The following TUBGCP3 variants were observed in gnomAD, a reference collection of about 807,000 sequenced individuals.
The protein encoded by TUBGCP3 is tubulin gamma complex component 3.
A neutral mutation model predicts 123.1 loss-of-function variants in TUBGCP3; 50 were observed. That is an observed-to-expected ratio of 0.41 (90% confidence interval 0.32 to 0.51). The LOEUF is 0.51. Among genes scored for constraint, TUBGCP3 ranks in the 20% least tolerant of loss-of-function variants. TUBGCP3 has a pLI of 0.36. For missense variants in TUBGCP3, 882 were observed against 1,127.0 expected, an observed-to-expected ratio of 0.78 and a Z score of 3.11; for synonymous variants, 405 against 413.9, an observed-to-expected ratio of 0.98 and a Z score of 0.26.
intron 11 of TUBGCP3, among the ~76,000 whole-genome samples, chr13:112,534,747 TTG>T (rs1392674897): frequency 1.3e-5 from 2 of 152,322 alleles, no homozygotes; most frequent in East Asian, 3.9e-4. Flanking sequence ...CACCAAGCGT[TTG>T]TGTTTTCGGA....
intron 1 of TUBGCP3, among the ~76,000 whole-genome samples, chr13:112,571,544 G>T (rs573496951): frequency 6.6e-6 from 1 of 152,190 alleles, no homozygotes; most frequent in African/African-American, 2.4e-5. Flanking sequence ...TTTTGGAATG[G>T]TCAACGAGCA....
intron 20 of TUBGCP3, 89 bp from the exon 21 acceptor site, chr13:112,489,786 G>C: frequency 9.4e-7 from 1 of 1,061,084 alleles, no homozygotes; most frequent in South Asian, 1.3e-5. Context: ...TGAGGAGCAG[G>C]AGGTGTCTGC....
intron 13 of TUBGCP3, among the ~76,000 whole-genome samples, chr13:112,526,269 C>CCACCATCAT (rs1373753897): frequency 6.6e-6 from 1 of 150,436 alleles, no homozygotes; most frequent in Non-Finnish European, 1.5e-5. Context: ...ACCATCATCA[C>CCACCATCAT]CACCATCATC....
intron 1 of TUBGCP3, among the ~76,000 whole-genome samples, chr13:112,575,269 T>C (rs1415550291): frequency 6.6e-6 from 1 of 152,210 alleles, no homozygotes; most frequent in East Asian, 1.9e-4. Context: ...AGAAGAAAGA[T>C]ATTCCATGAA....
At chr13:112,569,072 TAC>T (rs1370429939) in intron 2 of TUBGCP3, 78 bp downstream of exon 2, 43 of 1,327,830 alleles carry the variant, frequency 3.2e-5, no homozygotes, top group Non-Finnish European at 4.6e-5. Flanking sequence ...CATACACACC[TAC>T]ACACATGCAT....
intron 13 of TUBGCP3, among the ~76,000 whole-genome samples, chr13:112,526,135 TCACCATCATCATTAC>T (rs140476702): frequency 0.096 from 14,520 of 151,782 alleles, 1,864 homozygotes; most frequent in African/African-American, 0.28. Flanking sequence ...TATCATCACA[TCACCATCATCATTAC>T]CACCATCATC....
At chr13:112,493,923 A>G (rs1337367643) in intron 20 of TUBGCP3, among the ~76,000 whole-genome samples, 2 of 145,652 alleles carry the variant, frequency 1.4e-5, no homozygotes, top group Non-Finnish European at 3.0e-5. Flanking sequence ...CGTTCTGGCT[A>G]TGGGAACATG....
chr13:112,538,578 C>A (rs761657910), intron 11 of TUBGCP3, among the ~76,000 whole-genome samples: 7 of 152,194 alleles, frequency 4.6e-5, no homozygotes, highest in Non-Finnish European at 8.8e-5. Context: ...TAGTGCCCCA[C>A]TAGTGAGTTC....
At chr13:112,575,163 A>T (rs1017994864) in intron 1 of TUBGCP3, among the ~76,000 whole-genome samples, 1 of 152,210 alleles carries the variant, frequency 6.6e-6, no homozygotes, top group Non-Finnish European at 1.5e-5. Flanking sequence ...AGCAGCACAG[A>T]AGAGGAAGCT....
intron 5 of TUBGCP3, 63 bp from the exon 6 acceptor site, chr13:112,556,287 T>C (rs1211624384): frequency 1.3e-6 from 2 of 1,505,886 alleles, no homozygotes; most frequent in Admixed American, 3.8e-5. Context: ...AAAGTGTCCC[T>C]AGAAATTTCT....
rs372479192 is a variant in TUBGCP3 at position 112,511,868 on chromosome 13, T to C, written c.2086+4572A>G. On this transcript the variant is annotated intron_variant, in intron 17 of 21. Coordinates refer to ENST00000261965, the MANE Select transcript of TUBGCP3 (RefSeq NM_006322.6). This position sits in a 1 kb window ranked among gnomAD's most constrained non-coding sequence, Gnocchi z 4.1. The stretch of plus-strand genomic sequence containing the variant: ...GAAAGCTTTCTAATTATAAGGGACC[T>C]GCTGGTTCAGATGTGGCCCCACCAA... 6.6e-5 allele frequency among the ~76,000 whole-genome samples: 10 copies of C among 152,242 alleles called. No individual in the cohort carries two copies. The South Asian group carries it at 2.1e-3, about 32-fold the overall frequency.
chr13:112,587,834 A>G, intron 1 of TUBGCP3, 71 bp downstream of exon 1: 1 of 1,390,778 alleles, frequency 7.2e-7, no homozygotes, highest in Non-Finnish European at 9.8e-7. Context: ...CCCGGAACGT[A>G]TTAGGGCTGC....
the TUBGCP3 span, among the ~76,000 whole-genome samples, chr13:112,601,141 C>T: frequency 7.0e-6 from 1 of 142,256 alleles, no homozygotes; most frequent in African/African-American, 2.6e-5. Flanking sequence ...GAGCCAAGAT[C>T]ACGCCACTGC....
intron 6 of TUBGCP3, among the ~76,000 whole-genome samples, chr13:112,555,798 T>C (rs534636111): frequency 2.5e-4 from 38 of 151,924 alleles, no homozygotes; most frequent in African/African-American, 8.9e-4. Context: ...ACGAGAGATG[T>C]GGAGGGAGGA....
chr13:112,495,683 A>G (rs772080028), intron 20 of TUBGCP3, among the ~76,000 whole-genome samples: 81 of 152,220 alleles, frequency 5.3e-4, no homozygotes, highest in Non-Finnish European at 1.1e-3. Context: ...TTTACAAGGG[A>G]GACTAGGACA....
chr13:112,535,451 T>C (rs576733679), intron 11 of TUBGCP3, among the ~76,000 whole-genome samples: 1 of 152,328 alleles, frequency 6.6e-6, no homozygotes, highest in South Asian at 2.1e-4. Flanking sequence ...TGCCAACACC[T>C]GTTATTTTCT....
intron 11 of TUBGCP3, among the ~76,000 whole-genome samples, chr13:112,543,717 CAAT>C (rs1878719950): frequency 6.6e-6 from 1 of 152,070 alleles, no homozygotes; most frequent in Non-Finnish European, 1.5e-5. Flanking sequence ...GTCAACAGTA[CAAT>C]GATTCTTCGT....
At chr13:112,571,094 G>A (rs7339052) in intron 1 of TUBGCP3, among the ~76,000 whole-genome samples, 23,968 of 152,124 alleles carry the variant, frequency 0.16, 2,147 homozygotes, top group Non-Finnish European at 0.21. Context: ...ATCATGGCTG[G>A]AATCACTTTC....
chr13:112,578,914 A>G (rs936130785), intron 1 of TUBGCP3, among the ~76,000 whole-genome samples: 1 of 152,238 alleles, frequency 6.6e-6, no homozygotes, highest in African/African-American at 2.4e-5. Context: ...AGCCCCTCTT[A>G]GAAATAAAAC....
Sources: allele counts gnomAD v4.1 joint callset (sites outside exome capture counted in the v4.1 genomes callset), GRCh38; gene constraint gnomAD v4.1.1; non-coding constraint Gnocchi (gnomAD v3.1); transcripts MANE v1.5; gene names NCBI Gene and HGNC (gene_info 2026-07-23, HGNC 2026-07-21).